Variants in ADAMTSL3 observed in about 807,000 individuals in gnomAD.
ADAMTSL3 encodes ADAMTS-like protein 3.
ADAMTSL3 carries 128 observed loss-of-function variants against 201.7 expected under a neutral mutation model. The observed-to-expected ratio is 0.63, with a 90% CI of 0.55 to 0.73. ADAMTSL3 has a LOEUF of 0.73. Ranked by LOEUF, ADAMTSL3 falls within the 30% of genes least tolerant of loss-of-function variation. The probability of loss-of-function intolerance (pLI) is 0.00; values close to 1 mark genes in which losing one functional copy is unlikely to be tolerated. For missense variants in ADAMTSL3, 1,990 were observed against 2,119.6 expected, an observed-to-expected ratio of 0.94 and a Z score of 1.20; for synonymous variants, 738 against 748.4, an observed-to-expected ratio of 0.99 and a Z score of 0.23.
chr15:84,002,389 C>A (rs913218785), intron 23 of ADAMTSL3, among the ~76,000 whole-genome samples: 2 of 152,186 alleles, frequency 1.3e-5, no homozygotes, highest in Admixed American at 1.3e-4. Flanking sequence ...ATCTATACCC[C>A]ATCCCTGTCT....
intron 23 of ADAMTSL3, among the ~76,000 whole-genome samples, chr15:84,014,006 T>C (rs764061092): frequency 3.9e-5 from 6 of 152,236 alleles, no homozygotes; most frequent in Non-Finnish European, 5.9e-5. Flanking sequence ...CCTGAAGTTA[T>C]CCTCCTTTAC....
intron 16 of ADAMTSL3, among the ~76,000 whole-genome samples, chr15:83,913,875 C>T (rs2065980942): frequency 1.3e-5 from 2 of 152,014 alleles, no homozygotes; most frequent in South Asian, 4.1e-4. Context: ...GCCAGGAAAC[C>T]CTGTTAGGAT....
intron 10 of ADAMTSL3, among the ~76,000 whole-genome samples, chr15:83,888,422 A>G (rs572622447): frequency 6.8e-6 from 1 of 146,360 alleles, no homozygotes; most frequent in East Asian, 1.9e-4. Flanking sequence ...TTCTGACTCA[A>G]GGAGCTGTAA....
In ADAMTSL3 at chr15:83,838,120, A is replaced by G. The variant is rs140705133; in HGVS notation, c.632A>G (p.Asn211Ser). Residue 211 changes from asparagine to serine, a missense_variant, in exon 7 of 30, where the codon AAT becomes AGT. By Grantham distance (46) the Asn-to-Ser change is conservative (BLOSUM62 1). Coordinates refer to ENST00000286744, the MANE Select transcript of ADAMTSL3 (RefSeq NM_207517.3). ...AVGCDRQLGS[N>S]AKEDNCGVCA... The stretch of plus-strand genomic sequence containing the variant: ...GGCTGCGATCGGCAACTGGGAAGCA[A>G]TGCCAAGGAGGACAACTGTGGAGTC... 32 of 1,612,426 alleles carry G rather than the reference A, an allele frequency of 2.0e-5. No homozygotes were observed. The highest frequency in any genetic ancestry group is 2.5e-5 in the Non-Finnish European group (30 of 1,179,460).
chr15:83,743,253 G>C (rs1360685212), intron 3 of ADAMTSL3, among the ~76,000 whole-genome samples: 1 of 152,146 alleles, frequency 6.6e-6, no homozygotes, highest in Non-Finnish European at 1.5e-5. Flanking sequence ...GCTTTAAAAA[G>C]TGTGCTTTCC....
At position 84,039,164 on chromosome 15, in the gene ADAMTSL3, T is replaced by TCATA. The variant is rs1178556202; in HGVS notation, c.*1360_*1363dup. 1.3e-5 allele frequency: 2 copies of TCATA among 152,554 alleles called. No homozygotes were observed. Among genetic ancestry groups the TCATA allele is most frequent in the East Asian group, 3.8e-4 (2 of 5,204 alleles). The allele number at this position is 152,554 out of a possible 1,614,324, so 9.5% of individuals were successfully genotyped here. On this transcript the variant is annotated 3_prime_UTR_variant, in exon 30 of 30. Coordinates refer to ENST00000286744, the MANE Select transcript of ADAMTSL3 (RefSeq NM_207517.3). ...ATGGCACACAAGTCCAAATAAGTGG[T>TCATA]CATACTTCTTTATTCAGGGTCTCAG...
intron 25 of ADAMTSL3, among the ~76,000 whole-genome samples, chr15:84,020,255 A>G (rs2068174042): frequency 1.6e-5 from 2 of 122,162 alleles, no homozygotes; most frequent in South Asian, 5.5e-4. Flanking sequence ...AGAGTCAGAC[A>G]CACTTGGGAT....
intron 4 of ADAMTSL3, among the ~76,000 whole-genome samples, chr15:83,797,815 C>T (rs186763188): frequency 1.4e-4 from 21 of 152,206 alleles, no homozygotes; most frequent in Admixed American, 1.3e-3. Flanking sequence ...AGAACAACCC[C>T]GCTCAGGTAT....
intron 9 of ADAMTSL3, among the ~76,000 whole-genome samples, chr15:83,877,483 A>G (rs940194657): frequency 5.3e-5 from 8 of 152,210 alleles, no homozygotes; most frequent in Non-Finnish European, 1.0e-4. Flanking sequence ...ATTTGTGCCA[A>G]TACCATTGTG....
chr15:83,757,535 C>A (rs1478065581), intron 3 of ADAMTSL3, among the ~76,000 whole-genome samples: 1 of 152,208 alleles, frequency 6.6e-6, no homozygotes, highest in Non-Finnish European at 1.5e-5. Context: ...CCTCCTACGC[C>A]TCTGGGCCTG....
At chr15:83,933,490 A>G (rs932120751) in intron 17 of ADAMTSL3, among the ~76,000 whole-genome samples, 6 of 152,360 alleles carry the variant, frequency 3.9e-5, no homozygotes, top group Admixed American at 3.9e-4. Flanking sequence ...CTTATGTTTA[A>G]AAGGGAAGCA....
chr15:83,849,648 G>A (rs1381916637), intron 7 of ADAMTSL3, among the ~76,000 whole-genome samples: 1 of 152,086 alleles, frequency 6.6e-6, no homozygotes, highest in Non-Finnish European at 1.5e-5. Context: ...CCAGCTCCAG[G>A]TCTACCTCCA....
intron 23 of ADAMTSL3, among the ~76,000 whole-genome samples, chr15:84,002,554 A>G (rs1406557246): frequency 6.6e-6 from 1 of 152,078 alleles, no homozygotes; most frequent in African/African-American, 2.4e-5. Context: ...CCCATTCCCT[A>G]TCCTCCAAAC....
At chr15:83,705,640 T>C (rs776755854) in intron 3 of ADAMTSL3, among the ~76,000 whole-genome samples, 10 of 151,944 alleles carry the variant, frequency 6.6e-5, no homozygotes, top group Non-Finnish European at 1.3e-4. Flanking sequence ...AGGACGGAGA[T>C]TAGAGCATAG....
At chr15:83,897,795 T>C in intron 13 of ADAMTSL3, 63 bp from the exon 14 acceptor site, 2 of 1,504,562 alleles carry the variant, frequency 1.3e-6, no homozygotes, top group South Asian at 2.8e-5. Flanking sequence ...TTGCATTCGA[T>C]AAAATAATGC....
intron 7 of ADAMTSL3, among the ~76,000 whole-genome samples, chr15:83,850,559 A>G (rs1405812858): frequency 6.6e-6 from 1 of 151,594 alleles, no homozygotes; most frequent in African/African-American, 2.4e-5. Context: ...GTCTCCAGCT[A>G]CGACCCTAAT....
intron 8 of ADAMTSL3, among the ~76,000 whole-genome samples, chr15:83,867,007 G>T (rs895743613): frequency 2.0e-5 from 3 of 152,104 alleles, no homozygotes; most frequent in South Asian, 4.1e-4. Context: ...AATAGAACTG[G>T]CTTCATTTAC....
intron 2 of ADAMTSL3, among the ~76,000 whole-genome samples, chr15:83,704,006 A>AG (rs2061811368): frequency 6.6e-6 from 1 of 150,632 alleles, no homozygotes; most frequent in Non-Finnish European, 1.5e-5. Flanking sequence ...CCTTTGCCAA[A>AG]AAAAAAAAAA....
intron 17 of ADAMTSL3, among the ~76,000 whole-genome samples, chr15:83,928,125 G>A (rs1310259657): frequency 2.0e-5 from 3 of 152,050 alleles, no homozygotes; most frequent in Non-Finnish European, 2.9e-5. Flanking sequence ...ACAGGAATGA[G>A]CCATGTGCAT....
Sources: gnomAD v4.1 joint callset for allele counts (sites outside exome capture counted in the v4.1 genomes callset) on GRCh38, gnomAD v4.1.1 for gene constraint, MANE v1.5 for transcripts, NCBI Gene and HGNC (gene_info 2026-07-23, HGNC 2026-07-21) for gene names.